TMEM132B: variants seen among roughly 807,000 people sequenced by gnomAD.
TMEM132B encodes the protein transmembrane protein 132B.
TMEM132B carries 18 observed loss-of-function variants against 90.8 expected under a neutral mutation model. The observed-to-expected ratio is 0.20, with a 90% CI of 0.14 to 0.29. TMEM132B has a LOEUF of 0.29. TMEM132B is among the 10% of genes least tolerant of loss of function. TMEM132B has a pLI of 1.00. For synonymous variants in TMEM132B, 504 were observed against 523.3 expected (o/e 0.96, Z 0.50); for missense variants, 1,096 against 1,326.8 (o/e 0.83, Z 2.70).
In TMEM132B at chr12:125,552,953, T is replaced by A. The variant is rs75706254; in HGVS notation, c.1294-30898T>A. Among the ~76,000 whole-genome samples the A allele has an allele frequency of 6.6e-3, 998 of 152,350 alleles. 2 individuals carry two copies. Among genetic ancestry groups the A allele is most frequent in the Admixed American group, 0.012 (179 of 15,310 alleles). The stretch of plus-strand genomic sequence containing the variant: ...TGAGTGGCCTCCCAGCCTAAGCATG[T>A]CTAAACACACTTAGGACTGCTGAGT... On this transcript the variant is annotated intron_variant, in intron 4 of 8. Coordinates refer to ENST00000682704, the MANE Select transcript of TMEM132B (RefSeq NM_001366854.1).
chr12:125,412,192 A>C (rs1245457999), intron 2 of TMEM132B, among the ~76,000 whole-genome samples: 1 of 152,186 alleles, frequency 6.6e-6, no homozygotes, highest in Admixed American at 6.5e-5. Flanking sequence ...CCATGAATCA[A>C]TTCAGAGCTG....
intron 4 of TMEM132B, among the ~76,000 whole-genome samples, chr12:125,560,205 C>A (rs540885621): frequency 6.6e-6 from 1 of 152,292 alleles, no homozygotes; most frequent in East Asian, 1.9e-4. Context: ...GTGCTGATTG[C>A]CTGCTGGCCT....
chr12:125,574,139 C>T (rs1884876224), intron 4 of TMEM132B, among the ~76,000 whole-genome samples: 1 of 151,654 alleles, frequency 6.6e-6, no homozygotes, highest in Admixed American at 6.6e-5. Context: ...AGTAAAGATA[C>T]CCATAGGTGG....
chr12:125,347,093 T>A (rs325093), intron 1 of TMEM132B, among the ~76,000 whole-genome samples: 1 of 152,170 alleles, frequency 6.6e-6, no homozygotes, highest in African/African-American at 2.4e-5. Context: ...GGTGAATTCC[T>A]GGGATGGGCA....
chr12:125,633,777 A>G (rs1318388680), intron 5 of TMEM132B, among the ~76,000 whole-genome samples: 1 of 152,166 alleles, frequency 6.6e-6, no homozygotes, highest in Admixed American at 6.5e-5. Context: ...AAACAAATGG[A>G]GTCTCTCTCT....
intron 4 of TMEM132B, among the ~76,000 whole-genome samples, chr12:125,581,739 T>G (rs545791090): frequency 6.6e-6 from 1 of 151,304 alleles, no homozygotes; most frequent in South Asian, 2.1e-4. Flanking sequence ...AGCTGCATGA[T>G]TGAGTTGAAC....
At chr12:125,647,887 C>A (rs1226836530) in intron 6 of TMEM132B, among the ~76,000 whole-genome samples, 69 of 143,390 alleles carry the variant, frequency 4.8e-4, no homozygotes, top group Admixed American at 1.3e-3. Context: ...ATACTTAAAA[C>A]AATTGTATCC....
At chr12:125,423,363 T>C (rs1015802873) in intron 3 of TMEM132B, among the ~76,000 whole-genome samples, 31 of 152,128 alleles carry the variant, frequency 2.0e-4, no homozygotes, top group Non-Finnish European at 1.2e-4. Context: ...AAATGCGTCG[T>C]GCACAGGGCA....
chr12:125,617,968 C>A (rs1210672144), intron 5 of TMEM132B, among the ~76,000 whole-genome samples: 1 of 150,342 alleles, frequency 6.7e-6, no homozygotes, highest in Non-Finnish European at 1.5e-5. Flanking sequence ...AAAAAAAAAA[C>A]TCCATTATTT....
Position 125,653,852 on chromosome 12 carries a change from T to A in TMEM132B, c.2394T>A (p.Ser798Arg). The part of the protein sequence containing the change: ...GNVKVKFEPS[S>R]DEHQGGSNDI... ...TCAAGGTCAAATTCGAACCAAGTAG[T>A]GATGAGCACCAAGGAGGCAGCAATG... Residue 798 changes from serine to arginine, a missense_variant, in exon 9 of 9, where the codon AGT (serine) becomes AGA (arginine). Transcript: ENST00000682704. The A allele has an allele frequency of 1.2e-6, 2 of 1,614,034 alleles. No individual in the cohort carries two copies. Among genetic ancestry groups the A allele is most frequent in the Non-Finnish European group, 1.7e-6 (2 of 1,180,014 alleles).
chr12:125,575,817 T>G (rs1328493272), intron 4 of TMEM132B, among the ~76,000 whole-genome samples: 1 of 152,120 alleles, frequency 6.6e-6, no homozygotes, highest in African/African-American at 2.4e-5. Flanking sequence ...TTGAAAAAAC[T>G]ATTCTTTCAC....
intron 1 of TMEM132B, among the ~76,000 whole-genome samples, chr12:125,212,682 G>A (rs1873347742): frequency 6.6e-6 from 1 of 151,934 alleles, no homozygotes; most frequent in Non-Finnish European, 1.5e-5. Context: ...CGACAAGAGC[G>A]AAACTCCGTC....
intron 4 of TMEM132B, among the ~76,000 whole-genome samples, 192 bp downstream of exon 4, chr12:125,519,817 C>A (rs189567806): frequency 6.6e-6 from 1 of 152,256 alleles, no homozygotes; most frequent in East Asian, 1.9e-4. Context: ...CATGTAAATC[C>A]CTTTTCATTT....
chr12:125,435,618 A>G (rs928436511), intron 3 of TMEM132B, among the ~76,000 whole-genome samples: 2 of 152,232 alleles, frequency 1.3e-5, no homozygotes, highest in African/African-American at 4.8e-5. Context: ...TCCTCCATGA[A>G]GTTTATATTC....
At chr12:125,566,836 T>A (rs971415754) in intron 4 of TMEM132B, among the ~76,000 whole-genome samples, 18 of 2,572 alleles carry the variant, frequency 7.0e-3, no homozygotes, top group Non-Finnish European at 0.016. Flanking sequence ...CTTCTTCTTC[T>A]TTTTTTTTTT....
At chr12:125,363,046 C>G (rs941678831) in intron 2 of TMEM132B, among the ~76,000 whole-genome samples, 4 of 152,144 alleles carry the variant, frequency 2.6e-5, no homozygotes, top group Middle Eastern at 3.2e-3. Flanking sequence ...CAGGGGACAT[C>G]CTTGCCTGCC....
chr12:125,283,353 A>C (rs1364913731), intron 1 of TMEM132B, among the ~76,000 whole-genome samples: 1 of 152,160 alleles, frequency 6.6e-6, no homozygotes, highest in Non-Finnish European at 1.5e-5. Context: ...TCTGTTGAAT[A>C]TGTATTATAT....
In TMEM132B at chr12:125,397,286, C is replaced by T. The variant is rs940312552; in HGVS notation, c.960-18245C>T. 2.0e-5 allele frequency among the ~76,000 whole-genome samples: 3 copies of T among 152,148 alleles called. No individual in the cohort carries two copies. The East Asian group carries it at 5.8e-4, about 29-fold the overall frequency. ...GCCAACTTCACTGTTCTATGTGTCTCTTCGGACTGCCTGTTTCTTTTGCAC... is the reference window on the plus strand; with the variant it reads ...GCCAACTTCACTGTTCTATGTGTCTTTTCGGACTGCCTGTTTCTTTTGCAC... On this transcript the variant is annotated intron_variant, in intron 2 of 8. Coordinates refer to ENST00000682704, the MANE Select transcript of TMEM132B (RefSeq NM_001366854.1).
intron 4 of TMEM132B, among the ~76,000 whole-genome samples, chr12:125,543,517 G>A (rs1376043141): frequency 1.3e-5 from 2 of 152,176 alleles, no homozygotes; most frequent in African/African-American, 4.8e-5. Flanking sequence ...CTTCCTTCAA[G>A]TTCTGGATCC....
Sources: gnomAD v4.1 joint callset for allele counts (sites outside exome capture counted in the v4.1 genomes callset) on GRCh38, gnomAD v4.1.1 for gene constraint, MANE v1.5 for transcripts, NCBI Gene and HGNC (gene_info 2026-07-23, HGNC 2026-07-21) for gene names.